Variants in C16orf89 observed in about 807,000 individuals in gnomAD.
The protein encoded by C16orf89 is UPF0764 protein C16orf89.
C16orf89 carries 57 observed loss-of-function variants against 41.5 expected under a neutral mutation model. That is an observed-to-expected ratio of 1.38 (90% confidence interval 1.11 to 1.71). The LOEUF (loss-of-function observed/expected upper bound fraction) is 1.71. Among genes scored for constraint, C16orf89 ranks in the 40% most tolerant of loss-of-function variants. C16orf89 has a pLI of 0.00. For missense variants in C16orf89, 575 were observed against 445.9 expected, an observed-to-expected ratio of 1.29 and a Z score of -2.61; for synonymous variants, 223 against 190.6, an observed-to-expected ratio of 1.17 and a Z score of -1.40.
At position 5,044,291 on chromosome 16, in the gene C16orf89, G is replaced by C. The variant is rs554047341; in HGVS notation, c.*57C>G. 6.6e-7 allele frequency: 1 copy of C among 1,517,482 alleles called. No homozygotes were observed. Among genetic ancestry groups the C allele is most frequent in the Non-Finnish European group, 8.8e-7 (1 of 1,134,770 alleles). 94.0% of individuals were successfully genotyped at this position (1,517,482 alleles called of 1,614,324 possible). A position where few individuals can be genotyped will look rare whatever the true frequency, so the allele number is the denominator to read the frequency against. ...GATCCGTGCCCTCCAGGATCTAAGG[G>C]ATGAGGACTAAAGGGGTCTGTTCCT... On this transcript the variant is annotated 3_prime_UTR_variant, in exon 8 of 8. Coordinates refer to ENST00000472572, the MANE Select transcript of C16orf89 (RefSeq NM_001098514.3).
intron 5 of C16orf89, 35 bp downstream of exon 5, chr16:5,056,018 G>A (rs1363043131): frequency 1.3e-6 from 2 of 1,546,350 alleles, no homozygotes; most frequent in South Asian, 1.2e-5. Flanking sequence ...GGGACACCCT[G>A]TTCCTTTGCC....
chr16:5,059,264 AAAAAT>A lies in C16orf89; in HGVS notation c.510-659_510-655del, dbSNP rs550852291. On this transcript the variant is annotated intron_variant, in intron 3 of 7. Coordinates refer to ENST00000472572, the MANE Select transcript of C16orf89 (RefSeq NM_001098514.3). ...AGACTCCATCTCAAAATAAATAAATAAAAATAAAATAAAATAAAGTAAAAATAAAA... is the reference window on the plus strand; with the variant it reads ...AGACTCCATCTCAAAATAAATAAATAAAAATAAAATAAAGTAAAAATAAAA... Among the ~76,000 whole-genome samples, 948 of 151,842 alleles carry A rather than the reference AAAAAT, an allele frequency of 6.2e-3. 8 individuals carry two copies. The highest frequency in any genetic ancestry group is 0.022 in the African/African-American group (900 of 41,436).
intron 1 of C16orf89, among the ~76,000 whole-genome samples, chr16:5,064,308 C>A (rs1596709216): frequency 6.6e-6 from 1 of 152,184 alleles, no homozygotes; most frequent in African/African-American, 2.4e-5. Flanking sequence ...ACCCTGCCCA[C>A]TGGGAGCTCA....
chr16:5,049,530 A>G (rs1446712498), intron 6 of C16orf89, among the ~76,000 whole-genome samples: 1 of 152,272 alleles, frequency 6.6e-6, no homozygotes, highest in Non-Finnish European at 1.5e-5. Context: ...GAATAAAACT[A>G]GAAATCAATA....
At position 5,058,613 on chromosome 16, in the gene C16orf89, G is replaced by A. The variant is rs751505444; in HGVS notation, c.510-3C>T. 1 of 1,604,416 alleles carries A rather than the reference G, an allele frequency of 6.2e-7. No individual in the cohort carries two copies. Among genetic ancestry groups the A allele is most frequent in the South Asian group, 1.1e-5 (1 of 90,848 alleles). On this transcript the variant is annotated splice_region_variant and splice_polypyrimidine_tract_variant and intron_variant, in intron 3 of 7. Coordinates refer to ENST00000472572, the MANE Select transcript of C16orf89 (RefSeq NM_001098514.3). ...CGCAGGGCTCGCTGCTGTCCGTCCT[G>A]GGGGAAAGTGGTTCCAAGCTGTTAA...
rs1404020588 is a variant in C16orf89 at position 5,047,965 on chromosome 16, C to G, written c.869-1G>C. The G allele has an allele frequency of 6.5e-7, 1 of 1,542,542 alleles. No individual in the cohort carries two copies. The highest frequency in any genetic ancestry group is 1.4e-5 in the African/African-American group (1 of 73,804). On this transcript the variant is annotated splice_acceptor_variant, in intron 6 of 7. Coordinates refer to ENST00000472572, the MANE Select transcript of C16orf89 (RefSeq NM_001098514.3). LOFTEE classifies it high-confidence loss of function. ...TTAGATAATTCTTCATCTTCAGCAT[C>G]TGGGAGAAGAGCAAAAGTTGAACTT...
At chr16:5,046,088 C>T (rs959508300) in intron 7 of C16orf89, among the ~76,000 whole-genome samples, 2 of 152,156 alleles carry the variant, frequency 1.3e-5, no homozygotes, top group East Asian at 3.9e-4. Context: ...GGTAGGACCT[C>T]TGGAAGTCTC....
At chr16:5,048,618 A>T (rs747528900) in intron 6 of C16orf89, among the ~76,000 whole-genome samples, 1 of 152,212 alleles carries the variant, frequency 6.6e-6, no homozygotes, top group Non-Finnish European at 1.5e-5. Flanking sequence ...TGGCCTTACA[A>T]GAAGTGCTCA....
At chr16:5,055,390 C>A (rs755493637) in intron 5 of C16orf89, 40 bp from the exon 6 acceptor site, 6 of 1,507,132 alleles carry the variant, frequency 4.0e-6, no homozygotes, top group African/African-American at 1.4e-5. Context: ...GCCTGCCCCC[C>A]AGGCCCACCT....
At position 5,056,148 on chromosome 16, in the gene C16orf89, T is replaced by C. The variant is rs756025423; in HGVS notation, c.668A>G (p.Tyr223Cys). 5.0e-6 allele frequency: 8 copies of C among 1,596,768 alleles called. No homozygotes were observed. The highest frequency in any genetic ancestry group is 4.5e-5 in the East Asian group (2 of 44,284). ...CATGTTGGCGCAGAAGAGGTTGATA[T>C]AGTCCTGGCTCTGTTGGAGTGGTCC... Reference protein sequence around the residue: ...TQGPLQQSQDYINLFCANMMD... With the variant: ...TQGPLQQSQDCINLFCANMMD... Residue 223 changes from tyrosine (Y) to cysteine (C), a missense_variant, in exon 5 of 8, where the codon TAT becomes TGT. Transcript: ENST00000472572.
chr16:5,063,477 T>C (rs1956670084), intron 1 of C16orf89, among the ~76,000 whole-genome samples: 1 of 152,214 alleles, frequency 6.6e-6, no homozygotes, highest in South Asian at 2.1e-4. Flanking sequence ...TACTGGTCTA[T>C]GGCCTGTTAG....
rs1446519385 is a variant in C16orf89 at position 5,058,568 on chromosome 16, C to G, written c.552G>C (p.Arg184Ser). ...AGCAGCCGGGCTTGGTCATGAGGCT[C>G]CTGCAGAGGTCTGAGAGGCCGCAGG... The part of the protein sequence containing the change: ...SEPCGLSDLC[R>S]SLMTKPGCSG... The change falls in exon 4 of 8, where the codon AGG becomes AGC. Residue 184 changes from arginine (R) to serine (S), a missense_variant. By Grantham distance (110) the Arg-to-Ser change is moderately radical. Coordinates refer to ENST00000472572, the MANE Select transcript of C16orf89 (RefSeq NM_001098514.3). The G allele has an allele frequency of 2.5e-6, 4 of 1,612,792 alleles. No individual in the cohort carries two copies. The highest frequency in any genetic ancestry group is 8.5e-7 in the Non-Finnish European group (1 of 1,179,944).
intron 6 of C16orf89, among the ~76,000 whole-genome samples, chr16:5,054,006 A>G (rs796551027): frequency 2.0e-5 from 3 of 152,354 alleles, no homozygotes; most frequent in African/African-American, 7.2e-5. Context: ...GAGAATAATA[A>G]TAAAGCCAAA....
intron 1 of C16orf89, among the ~76,000 whole-genome samples, chr16:5,065,140 T>C (rs1056612431): frequency 6.6e-6 from 1 of 152,092 alleles, no homozygotes; most frequent in Non-Finnish European, 1.5e-5. Flanking sequence ...GCATGTGTGC[T>C]TGTGTGTGTG....
chr16:5,047,826 G>T, intron 7 of C16orf89, 52 bp downstream of exon 7: 1 of 1,038,492 alleles, frequency 9.6e-7, no homozygotes, highest in Non-Finnish European at 1.5e-6. Flanking sequence ...CCTCTGTTTT[G>T]CTAGGATATC....
At chr16:5,055,389 C>T in intron 5 of C16orf89, 39 bp from the exon 6 acceptor site, 1 of 1,502,348 alleles carries the variant, frequency 6.7e-7, no homozygotes, top group Non-Finnish European at 9.1e-7. Flanking sequence ...GGCCTGCCCC[C>T]CAGGCCCACC....
intron 1 of C16orf89, 56 bp downstream of exon 1, chr16:5,065,645 A>T (rs776402012): frequency 6.1e-5 from 94 of 1,534,312 alleles, no homozygotes; most frequent in Non-Finnish European, 8.4e-5. Flanking sequence ...AGGGCAGGGG[A>T]CAAAGCTGAG....
chr16:5,053,546 T>G (rs1228187106), intron 6 of C16orf89, among the ~76,000 whole-genome samples: 1 of 151,586 alleles, frequency 6.6e-6, no homozygotes, highest in East Asian at 1.9e-4. Context: ...TTGTGGTTTT[T>G]TTTTTTTTTT....
intron 6 of C16orf89, among the ~76,000 whole-genome samples, chr16:5,054,926 C>G (rs1956461951): frequency 6.6e-6 from 1 of 152,172 alleles, no homozygotes; most frequent in South Asian, 2.1e-4. Flanking sequence ...CATTAAACCT[C>G]TTTTTCTTTA....
Sources: allele counts gnomAD v4.1 joint callset (sites outside exome capture counted in the v4.1 genomes callset), GRCh38; gene constraint gnomAD v4.1.1; transcripts MANE v1.5; gene names NCBI Gene and HGNC (gene_info 2026-07-23, HGNC 2026-07-21).